TFRC: variants seen among roughly 807,000 people sequenced by gnomAD.
The protein encoded by TFRC is transferrin receptor protein 1.
TFRC carries 35 observed loss-of-function variants against 85.8 expected under a neutral mutation model. The ratio of observed to expected loss-of-function variants is 0.41; its 90% CI spans 0.31 to 0.54. TFRC has a LOEUF of 0.54. TFRC is among the 20% of genes least tolerant of loss of function. TFRC has a pLI of 0.31. For synonymous variants in TFRC, 362 were observed against 328.6 expected (o/e 1.10, Z -1.10); for missense variants, 828 against 921.5 (o/e 0.90, Z 1.31).
intron 16 of TFRC, among the ~76,000 whole-genome samples, chr3:196,057,378 G>A (rs973442445): frequency 5.9e-5 from 9 of 152,168 alleles, no homozygotes; most frequent in African/African-American, 2.2e-4. Context: ...ACCCTCTCAC[G>A]CAGACTCCCT....
intron 9 of TFRC, among the ~76,000 whole-genome samples, chr3:196,066,737 G>C (rs998633637): frequency 5.3e-5 from 8 of 152,120 alleles, no homozygotes; most frequent in Non-Finnish European, 5.9e-5. Flanking sequence ...ATGATCAACA[G>C]TCATGGTATT....
intron 1 of TFRC, among the ~76,000 whole-genome samples, chr3:196,078,843 C>T (rs908337334): frequency 4.9e-4 from 74 of 151,106 alleles, no homozygotes; most frequent in Admixed American, 2.2e-3. Flanking sequence ...GGCAGGATCT[C>T]GGCTCACTGC....
At chr3:196,079,374 G>A (rs906544086) in intron 1 of TFRC, among the ~76,000 whole-genome samples, 15 of 151,988 alleles carry the variant, frequency 9.9e-5, no homozygotes, top group African/African-American at 3.6e-4. Flanking sequence ...CACTTTGGGA[G>A]GCCGAGGCGA....
chr3:196,081,702 C>G (rs1466130825), intron 1 of TFRC: 1 of 152,400 alleles, frequency 6.6e-6, no homozygotes, highest in East Asian at 1.9e-4. Flanking sequence ...TGGGGGTACA[C>G]CTGGTCTCGT....
intron 16 of TFRC, among the ~76,000 whole-genome samples, chr3:196,057,760 G>A (rs1467904272): frequency 1.8e-4 from 25 of 136,766 alleles, no homozygotes; most frequent in Non-Finnish European, 1.7e-4. Context: ...CAGCCTGGGT[G>A]ACAGAGCAAG....
At position 196,058,583 on chromosome 3, in the gene TFRC, G is replaced by A. The variant is rs745783821; in HGVS notation, c.1586C>T (p.Ala529Val). ...GQFLYQDSNW[A>V]SKVEKLTLDN... The stretch of plus-strand genomic sequence containing the variant: ...ACTTTTCTCAACTTACACTTTGCTG[G>A]CCCAGTTGCTGTCCTGATATAGAAA... The change falls in exon 15 of 19, where the codon GCC (alanine) becomes GTC (valine). Residue 529 changes from alanine (A) to valine (V), a missense_variant. By Grantham distance (64) the Ala-to-Val change is moderately conservative. Coordinates refer to ENST00000360110, the MANE Select transcript of TFRC (RefSeq NM_001128148.3). 1.2e-6 allele frequency: 2 copies of A among 1,610,424 alleles called. No individual in the cohort carries two copies. Among genetic ancestry groups the A allele is most frequent in the East Asian group, 4.5e-5 (2 of 44,822 alleles).
In TFRC at chr3:196,068,083, C is replaced by T; in HGVS notation, c.849G>A (p.Met283Ile). ...TAACAATGGGAAATTTAGTCTGGTC[C>T]ATGTATATCAACACACCAATTGCAT... ...SLNAIGVLIY[M>I]DQTKFPIVNA... The change falls in exon 8 of 19, where the codon ATG becomes ATA. Residue 283 changes from methionine (M) to isoleucine (I), a missense_variant. Transcript: ENST00000360110. 1 of 1,613,524 alleles carries T rather than the reference C, an allele frequency of 6.2e-7. No homozygotes were observed. The highest frequency in any genetic ancestry group is 8.5e-7 in the Non-Finnish European group (1 of 1,179,864).
intron 10 of TFRC, 100 bp downstream of exon 10, chr3:196,065,343 G>A: frequency 1.5e-6 from 1 of 654,362 alleles, no homozygotes; most frequent in Non-Finnish European, 2.4e-6. Context: ...ACCAAGCCAA[G>A]CCAGCATTCC....
At chr3:196,069,062 C>T (rs990483596) in intron 7 of TFRC, among the ~76,000 whole-genome samples, 1 of 152,158 alleles carries the variant, frequency 6.6e-6, no homozygotes, top group African/African-American at 2.4e-5. Flanking sequence ...GCAGTCCTCC[C>T]ACCTCAGCCT....
Position 196,067,878 on chromosome 3 carries a change from C to T in TFRC, c.900+154G>A, listed in dbSNP as rs146014266. Among the ~76,000 whole-genome samples, 441 of 152,248 alleles carry T rather than the reference C, an allele frequency of 2.9e-3. 2 individuals are homozygous for T. Among genetic ancestry groups the T allele is most frequent in the African/African-American group, 0.01 (425 of 41,528 alleles). The stretch of plus-strand genomic sequence containing the variant: ...TACTTTTAGCAACAAATAATAAAGC[C>T]TCAAAGTCAATGTAATCTATCTTCT... On this transcript the variant is annotated intron_variant, in intron 8 of 18. Transcript: ENST00000360110.
intron 14 of TFRC, 37 bp downstream of exon 14, chr3:196,060,143 T>C (rs757472103): frequency 9.7e-6 from 15 of 1,552,302 alleles, no homozygotes; most frequent in Middle Eastern, 1.7e-4. Flanking sequence ...TCAACAAAAA[T>C]TAAGTCATAC....
chr3:196,080,634 C>T (rs976315322), intron 1 of TFRC, among the ~76,000 whole-genome samples: 2 of 152,264 alleles, frequency 1.3e-5, no homozygotes, highest in Non-Finnish European at 2.9e-5. Context: ...AAGTAACTGC[C>T]TCGCCTTAGG....
intron 5 of TFRC, 85 bp downstream of exon 5, chr3:196,071,918 A>C: frequency 2.0e-6 from 3 of 1,476,476 alleles, no homozygotes; most frequent in Non-Finnish European, 2.7e-6. Context: ...AAAAGCCAAC[A>C]ACACTAACAA....
At position 196,068,124 on chromosome 3, in the gene TFRC, T is replaced by A. The variant is rs563942755; in HGVS notation, c.808A>T (p.Asn270Tyr). Reference sequence around the variant, plus strand: ...CCAATTGCATTTAAGCTTTCAGCATTTGCAACCTAAAAGAAAACATATAAA... The same window carrying A: ...CCAATTGCATTTAAGCTTTCAGCATATGCAACCTAAAAGAAAACATATAAA... ...GKITFAEKVANAESLNAIGVL... is the reference protein window; with the variant it reads ...GKITFAEKVAYAESLNAIGVL... The change falls in exon 8 of 19, where the codon AAT becomes TAT. Residue 270 changes from asparagine (N) to tyrosine (Y), a missense_variant. Transcript: ENST00000360110. 1 of 1,610,814 alleles carries A rather than the reference T, an allele frequency of 6.2e-7. No homozygotes were observed. Among genetic ancestry groups the A allele is most frequent in the African/African-American group, 1.3e-5 (1 of 74,818 alleles).
chr3:196,062,948 GAA>G lies in TFRC; in HGVS notation c.1319-11_1319-10del. ...GCTGGGCTGAAACCCATCTGAAAGAGAAAAAAGTTAGCTTTACCTGAGGAAAG... is the reference window on the plus strand; with the variant it reads ...GCTGGGCTGAAACCCATCTGAAAGAGAAAAGTTAGCTTTACCTGAGGAAAG... On this transcript the variant is annotated splice_polypyrimidine_tract_variant and intron_variant, in intron 11 of 18. Coordinates refer to ENST00000360110, the MANE Select transcript of TFRC (RefSeq NM_001128148.3). The G allele has an allele frequency of 1.9e-6, 3 of 1,612,932 alleles. No individual in the cohort carries two copies. Among genetic ancestry groups the G allele is most frequent in the Non-Finnish European group, 8.5e-7 (1 of 1,179,542 alleles).
intron 13 of TFRC, chr3:196,062,264 C>T: frequency 3.3e-6 from 1 of 304,682 alleles, no homozygotes; most frequent in Admixed American, 5.0e-5. Flanking sequence ...TTTATCTGGC[C>T]AGGCACAGTG....
At position 196,050,021 on chromosome 3, in the gene TFRC, T is replaced by C. The variant is rs1577208847; in HGVS notation, c.*1921A>G. 4.3e-5 allele frequency: 10 copies of C among 231,390 alleles called. No individual in the cohort carries two copies. The East Asian group carries it at 6.1e-4, about 14-fold the overall frequency. The allele number at this position is 231,390 out of a possible 1,614,324, so 14.3% of individuals were successfully genotyped here. ...CTTATTCATACCTACATTTAATTGA[T>C]CACCACGAATGGGTAGGCAGACGTG... is the stretch of plus-strand genomic sequence containing the variant. On this transcript the variant is annotated 3_prime_UTR_variant, in exon 19 of 19. Coordinates refer to ENST00000360110, the MANE Select transcript of TFRC (RefSeq NM_001128148.3).
chr3:196,065,972 G>C (rs1420595173), intron 9 of TFRC, among the ~76,000 whole-genome samples: 1 of 148,846 alleles, frequency 6.7e-6, no homozygotes, highest in Non-Finnish European at 1.5e-5. Flanking sequence ...CTGGGCAACA[G>C]AGCACAAGTC....
intron 9 of TFRC, among the ~76,000 whole-genome samples, chr3:196,066,760 T>C (rs1490738502): frequency 1.3e-5 from 2 of 152,208 alleles, no homozygotes; most frequent in Non-Finnish European, 2.9e-5. Context: ...ATATACTCCT[T>C]ATATACAGAT....
Sources: allele counts gnomAD v4.1 joint callset (sites outside exome capture counted in the v4.1 genomes callset), GRCh38; gene constraint gnomAD v4.1.1; transcripts MANE v1.5; gene names NCBI Gene and HGNC (gene_info 2026-07-23, HGNC 2026-07-21).